Variants in CDH12 observed in about 807,000 individuals in gnomAD.
CDH12 encodes the protein cadherin-12.
In CDH12, 41 loss-of-function variants were observed where a neutral mutation model predicts 74.1. The observed-to-expected ratio is 0.55, with a 90% confidence interval of 0.43 to 0.72. CDH12 has a LOEUF of 0.72. Among genes scored for constraint, CDH12 ranks in the 30% least tolerant of loss-of-function variants. The pLI is 0.00. For missense variants in CDH12, 945 were observed against 977.2 expected (o/e 0.97, Z 0.44); for synonymous variants, 399 against 355.0 (o/e 1.12, Z -1.39).
intron 3 of CDH12, among the ~76,000 whole-genome samples, chr5:22,390,162 G>A (rs1228010938): frequency 1.3e-5 from 2 of 152,004 alleles, no homozygotes; most frequent in Non-Finnish European, 2.9e-5. Context: ...CTGAAAACCT[G>A]TGAAAAACTC....
At chr5:22,729,571 C>T (rs1011773647) in intron 1 of CDH12, among the ~76,000 whole-genome samples, 3 of 151,836 alleles carry the variant, frequency 2.0e-5, no homozygotes, top group Admixed American at 1.3e-4. Flanking sequence ...GGGGACTGTA[C>T]TTCTACCACA....
At chr5:22,348,463 G>T (rs937739103) in intron 3 of CDH12, among the ~76,000 whole-genome samples, 6 of 152,120 alleles carry the variant, frequency 3.9e-5, no homozygotes, top group Non-Finnish European at 7.4e-5. Flanking sequence ...CAGTCCACTA[G>T]TTAAAGCTTC....
chr5:22,527,582 C>G (rs1392311412), intron 1 of CDH12, among the ~76,000 whole-genome samples: 2 of 152,112 alleles, frequency 1.3e-5, no homozygotes, highest in Admixed American at 1.3e-4. Flanking sequence ...TGAGGTCTGG[C>G]TTACAGAGAA....
intron 4 of CDH12, among the ~76,000 whole-genome samples, chr5:22,199,706 T>C (rs1181873809): frequency 2.0e-5 from 3 of 152,148 alleles, no homozygotes; most frequent in Non-Finnish European, 4.4e-5. Context: ...ATTAAACCTG[T>C]TTACTTTTTG....
chr5:21,889,651 A>G (rs895926679), intron 6 of CDH12: 10 of 984,844 alleles, frequency 1.0e-5, no homozygotes, highest in Non-Finnish European at 8.4e-6. Flanking sequence ...TTTCCATGCC[A>G]TCAGTATCCT....
At chr5:22,031,731 G>A (rs901616587) in intron 5 of CDH12, among the ~76,000 whole-genome samples, 2 of 152,148 alleles carry the variant, frequency 1.3e-5, no homozygotes, top group Admixed American at 1.3e-4. Flanking sequence ...GAGAGACAGG[G>A]AAATGGCCAG....
chr5:21,910,549 G>GT (rs1753818225), intron 6 of CDH12, among the ~76,000 whole-genome samples: 1 of 152,130 alleles, frequency 6.6e-6, no homozygotes, highest in Non-Finnish European at 1.5e-5. Flanking sequence ...GTCTCATGGC[G>GT]TCCCTGAATT....
chr5:22,705,835 A>G (rs1385711035), intron 1 of CDH12, among the ~76,000 whole-genome samples: 1 of 151,950 alleles, frequency 6.6e-6, no homozygotes, highest in Admixed American at 6.6e-5. Context: ...ACTAAAAATG[A>G]TGATGATTTC....
At chr5:22,079,092 A>C (rs1742539194) in intron 4 of CDH12, among the ~76,000 whole-genome samples, 1 of 152,222 alleles carries the variant, frequency 6.6e-6, no homozygotes, top group African/African-American at 2.4e-5. Flanking sequence ...GTGCATTATA[A>C]ACAGAAATGA....
In CDH12 at chr5:22,584,682, T is replaced by C. The variant is rs187793692; in HGVS notation, c.-522-79318A>G. 1.7e-3 allele frequency among the ~76,000 whole-genome samples: 254 copies of C among 152,292 alleles called. 4 individuals are homozygous for C. Among genetic ancestry groups the C allele is most frequent in the South Asian group, 0.013 (62 of 4,828 alleles). On this transcript the variant is annotated intron_variant, in intron 1 of 14. Coordinates refer to ENST00000382254, the MANE Select transcript of CDH12 (RefSeq NM_004061.5). ...TTTCTGCTGGCTGTGATATTTCTCT[T>C]AGCTCATTTCTTCCTTCTTTTTATG...
chr5:21,889,893 A>T, intron 6 of CDH12: 2 of 977,190 alleles, frequency 2.0e-6, no homozygotes, highest in Non-Finnish European at 2.4e-6. Flanking sequence ...CATATAAGTT[A>T]CCCCACACTG....
intron 4 of CDH12, among the ~76,000 whole-genome samples, chr5:22,191,640 C>CT (rs1253748207): frequency 1.2e-4 from 4 of 33,904 alleles, no homozygotes; most frequent in Admixed American, 4.3e-4. Flanking sequence ...TCTCGGCTCA[C>CT]TGCAAGCTCC....
At chr5:22,337,818 G>C (rs1739659483) in intron 3 of CDH12, among the ~76,000 whole-genome samples, 1 of 152,156 alleles carries the variant, frequency 6.6e-6, no homozygotes, top group African/African-American at 2.4e-5. Context: ...ATATGAAAAG[G>C]TTCTTGACTT....
In CDH12 at chr5:22,705,130, T is replaced by TATATATATAC. The variant is rs752782183; in HGVS notation, c.-523+147927_-523+147928insGTATATATAT. The stretch of plus-strand genomic sequence containing the variant: ...CCCCACCCAGTCATATATATATATA[T>TATATATATAC]ACACACACACACACACACACACACA... On this transcript the variant is annotated intron_variant, in intron 1 of 14. Coordinates refer to ENST00000382254, the MANE Select transcript of CDH12 (RefSeq NM_004061.5). Among the ~76,000 whole-genome samples, 1,170 of 125,588 alleles carry TATATATATAC rather than the reference T, an allele frequency of 9.3e-3. 7 individuals carry two copies. Among genetic ancestry groups the TATATATATAC allele is most frequent in the Admixed American group, 0.012 (139 of 12,024 alleles). 82.4% of individuals were successfully genotyped at this position (125,588 alleles called of 152,430 possible). A position where few individuals can be genotyped will look rare whatever the true frequency, so the allele number is the denominator to read the frequency against.
chr5:22,227,865 T>A (rs1264418959), intron 3 of CDH12, among the ~76,000 whole-genome samples: 1 of 152,128 alleles, frequency 6.6e-6, no homozygotes, highest in Non-Finnish European at 1.5e-5. Context: ...CATGGCACAC[T>A]TGGAAATGTT....
intron 3 of CDH12, among the ~76,000 whole-genome samples, chr5:22,403,555 C>T (rs1011301762): frequency 1.3e-5 from 2 of 152,174 alleles, no homozygotes; most frequent in African/African-American, 4.8e-5. Flanking sequence ...GGAGCTGTAG[C>T]ATGAATATGA....
intron 1 of CDH12, among the ~76,000 whole-genome samples, chr5:22,541,002 G>A (rs1738076137): frequency 6.6e-6 from 1 of 152,206 alleles, no homozygotes; most frequent in Non-Finnish European, 1.5e-5. Context: ...TACTAGGAGG[G>A]TTGACTTGGA....
At chr5:21,850,100 G>C (rs539852763) in intron 7 of CDH12, among the ~76,000 whole-genome samples, 1 of 151,598 alleles carries the variant, frequency 6.6e-6, no homozygotes, top group Non-Finnish European at 1.5e-5. Flanking sequence ...TCTAAAAAAA[G>C]AGGTAACACA....
chr5:22,038,052 T>C (rs1043307281), intron 5 of CDH12, among the ~76,000 whole-genome samples: 1 of 152,196 alleles, frequency 6.6e-6, no homozygotes, highest in Admixed American at 6.5e-5. Flanking sequence ...AGGAAGCTTC[T>C]GGAGTCCATA....
Sources: gnomAD v4.1 joint callset for allele counts (sites outside exome capture counted in the v4.1 genomes callset) on GRCh38, gnomAD v4.1.1 for gene constraint, MANE v1.5 for transcripts, NCBI Gene and HGNC (gene_info 2026-07-23, HGNC 2026-07-21) for gene names.